Variants in STARD13 observed in about 807,000 individuals in gnomAD.
STARD13 encodes stAR-related lipid transfer protein 13.
Under a neutral mutation model 106.4 loss-of-function variants are expected in STARD13, and 62 were observed. The ratio of observed to expected loss-of-function variants is 0.58; its 90% confidence interval spans 0.48 to 0.72. The LOEUF (loss-of-function observed/expected upper bound fraction) is 0.72, where lower values mean the gene tolerates loss of function less well. Ranked by LOEUF, STARD13 falls within the 30% of genes least tolerant of loss-of-function variation. The pLI is 0.00. For missense variants in STARD13, 1,387 were observed against 1,424.0 expected (o/e 0.97, Z 0.42); for synonymous variants, 565 against 553.0 (o/e 1.02, Z -0.31).
intron 1 of STARD13, among the ~76,000 whole-genome samples, chr13:33,321,956 G>A (rs1212639257): frequency 6.6e-6 from 1 of 152,146 alleles, no homozygotes; most frequent in African/African-American, 2.4e-5. Context: ...TGTGCATCAG[G>A]CTAAGGCTAA....
At chr13:33,360,665 T>C in the STARD13 span, among the ~76,000 whole-genome samples, 4 of 138,002 alleles carry the variant, frequency 2.9e-5, no homozygotes, top group African/African-American at 8.1e-5. Context: ...GGATTCCTTC[T>C]GTGTAGACAG....
chr13:33,421,717 T>C, the STARD13 span, among the ~76,000 whole-genome samples: 1 of 152,080 alleles, frequency 6.6e-6, no homozygotes. Context: ...GCAAACCGAA[T>C]CCAGCAACAC....
chr13:33,295,709 G>A (rs536795689), intron 1 of STARD13, among the ~76,000 whole-genome samples: 6 of 152,096 alleles, frequency 3.9e-5, no homozygotes, highest in African/African-American at 7.2e-5. Flanking sequence ...GTGCCCGGGG[G>A]GGGCAGAGGA....
chr13:33,340,486 A>C (rs896135501), intron 1 of STARD13, among the ~76,000 whole-genome samples: 2 of 152,250 alleles, frequency 1.3e-5, no homozygotes, highest in African/African-American at 2.4e-5. Context: ...ATGCAGAGAG[A>C]ATAAGAAGCA....
the STARD13 span, among the ~76,000 whole-genome samples, chr13:33,656,480 A>G: frequency 6.6e-6 from 1 of 152,192 alleles, no homozygotes; most frequent in Admixed American, 6.5e-5. Context: ...GACACTTCTC[A>G]TAAAAAATTA....
the STARD13 span, among the ~76,000 whole-genome samples, chr13:33,451,256 C>T: frequency 1.4e-4 from 22 of 152,168 alleles, no homozygotes; most frequent in East Asian, 4.0e-3. Context: ...AAGAGACAGA[C>T]GTGGGCTAGA....
rs776463627 is a variant in STARD13 at position 33,142,382 on chromosome 13, A to G, written c.324-9T>C. The G allele has an allele frequency of 1.2e-6, 2 of 1,611,448 alleles. No homozygotes were observed. Among genetic ancestry groups the G allele is most frequent in the East Asian group, 2.2e-5 (1 of 44,874 alleles). ...TCAACGTATTTAGTCGTCTAAAAGG[A>G]AAGAAAAATGTGATGATTACTTTCA... On this transcript the variant is annotated splice_polypyrimidine_tract_variant and intron_variant, in intron 3 of 13. Coordinates refer to ENST00000336934, the MANE Select transcript of STARD13 (RefSeq NM_178006.4).
chr13:33,398,191 G>T, the STARD13 span, among the ~76,000 whole-genome samples: 5 of 152,270 alleles, frequency 3.3e-5, no homozygotes, highest in Admixed American at 3.3e-4. Flanking sequence ...AGGAGACAGA[G>T]GCTATTCCTC....
Position 33,130,983 on chromosome 13 carries a change from C to T in STARD13, c.388-694G>A, listed in dbSNP as rs968085189. Among the ~76,000 whole-genome samples the T allele has an allele frequency of 3.9e-5, 6 of 152,188 alleles. No individual in the cohort carries two copies. Among genetic ancestry groups the T allele is most frequent in the African/African-American group, 9.7e-5 (4 of 41,446 alleles). On this transcript the variant is annotated intron_variant, in intron 4 of 13. Transcript: ENST00000336934. This position sits in a 1 kb window ranked among gnomAD's most constrained non-coding sequence, Gnocchi z 4.1. Reference sequence around the variant, plus strand: ...CCGAGTCAGAATGCCGTTGGCAGGACGCACACCTCTGTGTGGCTGCAGTGG... The same window carrying T: ...CCGAGTCAGAATGCCGTTGGCAGGATGCACACCTCTGTGTGGCTGCAGTGG...
At chr13:33,259,880 C>G (rs1165822817) in intron 1 of STARD13, among the ~76,000 whole-genome samples, 2 of 151,520 alleles carry the variant, frequency 1.3e-5, no homozygotes, top group Admixed American at 1.3e-4. Flanking sequence ...ATGGGAGGGA[C>G]CTGCTACTCA....
intron 1 of STARD13, among the ~76,000 whole-genome samples, chr13:33,303,854 C>A (rs911221344): frequency 1.3e-5 from 2 of 152,154 alleles, no homozygotes; most frequent in Non-Finnish European, 2.9e-5. Flanking sequence ...CCCTGGAAAC[C>A]TCACCTAGGA....
At chr13:33,675,913 G>A in the STARD13 span, among the ~76,000 whole-genome samples, 5,650 of 152,222 alleles carry the variant, frequency 0.037, 207 homozygotes, top group African/African-American at 0.094. Context: ...TACCTCTGGA[G>A]GCAGATCAGA....
chr13:33,566,628 T>C, the STARD13 span, among the ~76,000 whole-genome samples: 8 of 148,342 alleles, frequency 5.4e-5, 1 homozygote, highest in African/African-American at 2.0e-4. Context: ...AAAGATCACA[T>C]GATCAAGGAC....
the STARD13 span, among the ~76,000 whole-genome samples, chr13:33,665,093 CA>C: frequency 6.6e-6 from 1 of 152,174 alleles, no homozygotes; most frequent in African/African-American, 2.4e-5. Context: ...ATTTCAGGGT[CA>C]GGGGCCTGTC....
At position 33,129,408 on chromosome 13, in the gene STARD13, C is replaced by T. The variant is rs188799246; in HGVS notation, c.1269G>A (p.Gly423=). 5.3e-5 allele frequency: 85 copies of T among 1,614,210 alleles called. No homozygotes were observed. The African/African-American group carries it at 9.3e-4, about 18-fold the overall frequency. Residue 423 remains glycine, a synonymous_variant, in exon 5 of 14, where the codon GGG becomes GGA. Coordinates refer to ENST00000336934, the MANE Select transcript of STARD13 (RefSeq NM_178006.4). ...ESLSPTDSSN[G]VNWRTGSISL... is the part of the protein sequence containing the mutation. ...AGATGCTACCGGTCCTCCAATTAAC[C>T]CCATTGCTACTATCTGTGGGAGAGA...
At chr13:33,667,333 A>G in the STARD13 span, among the ~76,000 whole-genome samples, 3 of 152,210 alleles carry the variant, frequency 2.0e-5, no homozygotes, top group African/African-American at 7.2e-5. Context: ...TAGAATGCCT[A>G]TGTGGTTTTT....
At chr13:33,606,861 C>T in the STARD13 span, among the ~76,000 whole-genome samples, 14 of 152,312 alleles carry the variant, frequency 9.2e-5, no homozygotes, top group Admixed American at 9.1e-4. Context: ...CTTCTCGAGG[C>T]CCTCTGCACT....
rs573092928 is a variant in STARD13, at chr13:33,147,731, A to C, written c.324-5358T>G. Among the ~76,000 whole-genome samples the C allele has an allele frequency of 5.9e-5, 9 of 152,352 alleles. No individual in the cohort carries two copies. In the South Asian group the frequency reaches 6.2e-4, roughly 11 times the overall value. On this transcript the variant is annotated intron_variant, in intron 3 of 13. Coordinates refer to ENST00000336934, the MANE Select transcript of STARD13 (RefSeq NM_178006.4). ...GTGGATATCAGCAAATTGATTCTAAAGTTTATATGAAGGAGCAAAAGACTC... is the reference window on the plus strand; with the variant it reads ...GTGGATATCAGCAAATTGATTCTAACGTTTATATGAAGGAGCAAAAGACTC...
intron 1 of STARD13, among the ~76,000 whole-genome samples, chr13:33,269,099 A>T (rs979156509): frequency 1.3e-4 from 20 of 152,096 alleles, no homozygotes; most frequent in African/African-American, 4.8e-4. Flanking sequence ...CTCAGAAGAT[A>T]AAAAAAAGTT....
Sources: gnomAD v4.1 joint callset for allele counts (sites outside exome capture counted in the v4.1 genomes callset) on GRCh38, gnomAD v4.1.1 for gene constraint, Gnocchi (gnomAD v3.1) non-coding constraint, MANE v1.5 for transcripts, NCBI Gene and HGNC (gene_info 2026-07-23, HGNC 2026-07-21) for gene names.